LMBR1: variants seen among roughly 807,000 people sequenced by gnomAD.
LMBR1 encodes limb region 1 protein homolog.
LMBR1 carries 52 observed loss-of-function variants against 73.9 expected under a neutral mutation model. The observed-to-expected ratio is 0.70, with a 90% CI of 0.56 to 0.89. The LOEUF (loss-of-function observed/expected upper bound fraction) is 0.89. LMBR1 is among the 40% of genes least tolerant of loss of function. LMBR1 has a pLI of 0.00. For synonymous variants in LMBR1, 215 were observed against 209.4 expected, an observed-to-expected ratio of 1.03 and a Z score of -0.23; for missense variants, 539 against 579.8, an observed-to-expected ratio of 0.93 and a Z score of 0.72.
chr7:156,749,743 G>C (rs1380784462), intron 9 of LMBR1, among the ~76,000 whole-genome samples: 1 of 152,108 alleles, frequency 6.6e-6, no homozygotes, highest in Non-Finnish European at 1.5e-5. Flanking sequence ...AGGCTGGGGT[G>C]CAATGGCGTG....
chr7:156,676,541 G>A, downstream of LMBR1: 1 of 1,614,146 alleles, frequency 6.2e-7, no homozygotes. Context: ...GCTCACATGT[G>A]TTCCACCATG....
At chr7:156,733,330 AGAACTAAC>A (rs1817223915) in intron 10 of LMBR1, among the ~76,000 whole-genome samples, 1 of 152,234 alleles carries the variant, frequency 6.6e-6, no homozygotes, top group African/African-American at 2.4e-5. Context: ...AAACATATCA[AGAACTAAC>A]ACAAATGTTA....
chr7:156,713,628 C>T (rs972157356), intron 15 of LMBR1, among the ~76,000 whole-genome samples: 1 of 151,846 alleles, frequency 6.6e-6, no homozygotes, highest in Non-Finnish European at 1.5e-5. Context: ...TAGGGGAACA[C>T]GAGCGGAGTC....
chr7:156,831,884 G>T (rs1302297383), intron 3 of LMBR1, among the ~76,000 whole-genome samples: 1 of 152,186 alleles, frequency 6.6e-6, no homozygotes, highest in African/African-American at 2.4e-5. Context: ...GAGGAGAAAG[G>T]TATGTATCTC....
At chr7:156,672,987 C>T (rs763002318), downstream of LMBR1, among the ~76,000 whole-genome samples, 21 of 152,366 alleles carry the variant, frequency 1.4e-4, no homozygotes, top group Admixed American at 1.0e-3. Flanking sequence ...ACTGTGGCCT[C>T]GGCAGGCCCG....
chr7:156,684,587 A>C (rs1159194969), intron 16 of LMBR1, among the ~76,000 whole-genome samples: 1 of 152,172 alleles, frequency 6.6e-6, no homozygotes, highest in Non-Finnish European at 1.5e-5. Context: ...TCTTCCTGGC[A>C]AGCAGATTCC....
intron 9 of LMBR1, among the ~76,000 whole-genome samples, chr7:156,747,500 TA>T (rs1027072640): frequency 5.3e-5 from 8 of 152,176 alleles, no homozygotes; most frequent in African/African-American, 1.9e-4. Flanking sequence ...ACTTAAAATA[TA>T]AAATGTATTT....
chr7:156,752,007 C>T (rs1455625318), intron 9 of LMBR1, among the ~76,000 whole-genome samples: 1 of 152,088 alleles, frequency 6.6e-6, no homozygotes, highest in East Asian at 1.9e-4. Context: ...ATTTTAAAGA[C>T]GGAGGCATGA....
At chr7:156,724,251 A>G in intron 14 of LMBR1, 73 bp from the exon 15 acceptor site, 1 of 1,171,410 alleles carries the variant, frequency 8.5e-7, no homozygotes, top group Non-Finnish European at 1.3e-6. Context: ...TAACATTCTG[A>G]GAAATGATTG....
intron 9 of LMBR1, 127 bp from the exon 10 acceptor site, chr7:156,734,384 G>A: frequency 1.8e-6 from 1 of 566,758 alleles, no homozygotes. Context: ...AAGAAATGTT[G>A]CTGTGATTCA....
downstream of LMBR1, among the ~76,000 whole-genome samples, chr7:156,674,453 C>G (rs1304979232): frequency 1.3e-5 from 2 of 152,334 alleles, no homozygotes; most frequent in South Asian, 2.1e-4. Flanking sequence ...TTTTACACAC[C>G]TTATTCTCCT....
At chr7:156,859,020 G>A (rs545012062) in intron 1 of LMBR1, among the ~76,000 whole-genome samples, 10 of 152,214 alleles carry the variant, frequency 6.6e-5, no homozygotes, top group South Asian at 2.1e-4. Context: ...TTGGGAGGCC[G>A]AGGCAGGCAG....
intron 15 of LMBR1, among the ~76,000 whole-genome samples, chr7:156,695,783 T>C (rs1479667454): frequency 1.3e-5 from 2 of 151,544 alleles, no homozygotes; most frequent in Non-Finnish European, 2.9e-5. Flanking sequence ...AAAGAACTTA[T>C]ACTACCAATG....
chr7:156,835,743 T>C (rs1837528255), intron 2 of LMBR1, among the ~76,000 whole-genome samples: 1 of 150,680 alleles, frequency 6.6e-6, no homozygotes, highest in Admixed American at 6.6e-5. Flanking sequence ...TGTTAATGTC[T>C]CCATATTCAT....
rs989530267 is a variant in LMBR1, at chr7:156,774,463, A to G, written c.424-10668T>C. ...CAATAGCAAAGGCATGGAATAACCT[A>G]TATGCTCATCAAGGGCAGACTGAAT... is the stretch of plus-strand genomic sequence containing the variant. On this transcript the variant is annotated intron_variant, in intron 5 of 16. Coordinates refer to ENST00000353442, the MANE Select transcript of LMBR1 (RefSeq NM_022458.4). Among the ~76,000 whole-genome samples the G allele has an allele frequency of 5.3e-5, 8 of 152,222 alleles. No individual in the cohort carries two copies. In the South Asian group the frequency reaches 6.2e-4, roughly 12 times the overall value.
intron 15 of LMBR1, among the ~76,000 whole-genome samples, chr7:156,718,794 A>G (rs1355263291): frequency 3.3e-5 from 5 of 152,328 alleles, no homozygotes; most frequent in African/African-American, 1.2e-4. Context: ...TCTTAGGACA[A>G]ATTAGACCCT....
chr7:156,686,824 A>G (rs1319611555), intron 16 of LMBR1, among the ~76,000 whole-genome samples: 2 of 152,254 alleles, frequency 1.3e-5, no homozygotes, highest in Non-Finnish European at 2.9e-5. Flanking sequence ...ATATTATAAC[A>G]GGCTTAAAAA....
intron 3 of LMBR1, among the ~76,000 whole-genome samples, chr7:156,827,273 CAG>C (rs1237394909): frequency 6.6e-6 from 1 of 152,010 alleles, no homozygotes; most frequent in African/African-American, 2.4e-5. Context: ...TAATAAAAAA[CAG>C]AAAACTATTA....
intron 15 of LMBR1, among the ~76,000 whole-genome samples, chr7:156,696,965 TCCTAGATACA>T (rs1808409904): frequency 6.6e-6 from 1 of 152,208 alleles, no homozygotes; most frequent in Non-Finnish European, 1.5e-5. Flanking sequence ...GTTAGTTACT[TCCTAGATACA>T]ACGGGGATAT....
Sources: allele counts gnomAD v4.1 joint callset (sites outside exome capture counted in the v4.1 genomes callset), GRCh38; gene constraint gnomAD v4.1.1; transcripts MANE v1.5; gene names NCBI Gene and HGNC (gene_info 2026-07-23, HGNC 2026-07-21).